The following RNF214 variants were observed in gnomAD, a reference collection of about 807,000 sequenced individuals.
RNF214 encodes the protein ring finger protein 214.
Under a neutral mutation model 75.9 loss-of-function variants are expected in RNF214, and 25 were observed. The ratio of observed to expected loss-of-function variants is 0.33; its 90% confidence interval spans 0.24 to 0.46. RNF214 has a LOEUF of 0.46. Among genes scored for constraint, RNF214 ranks in the 20% least tolerant of loss-of-function variants. The probability of loss-of-function intolerance (pLI) is 1.00; values close to 1 mark genes in which losing one functional copy is unlikely to be tolerated. For synonymous variants in RNF214, 314 were observed against 308.8 expected (o/e 1.02, Z -0.18); for missense variants, 725 against 857.5 (o/e 0.85, Z 1.93).
intron 13 of RNF214, 112 bp downstream of exon 13, chr11:117,282,962 T>C: frequency 9.9e-7 from 1 of 1,012,520 alleles, no homozygotes; most frequent in Non-Finnish European, 1.5e-6. Context: ...TTTGCAGCCC[T>C]ACTGGGAAAA....
chr11:117,281,764 G>T, intron 10 of RNF214, 66 bp downstream of exon 10: 1 of 1,503,188 alleles, frequency 6.7e-7, no homozygotes, highest in South Asian at 1.1e-5. Context: ...AGTCTTCTGC[G>T]TGTTCTTTTT....
intron 8 of RNF214, among the ~76,000 whole-genome samples, chr11:117,281,113 T>C (rs1228316835): frequency 6.6e-6 from 1 of 151,078 alleles, no homozygotes; most frequent in Non-Finnish European, 1.5e-5. Context: ...TAGCTGGGAC[T>C]ATAGGCGTGA....
chr11:117,260,610 G>A (rs1232703008), intron 6 of RNF214, among the ~76,000 whole-genome samples: 2 of 147,068 alleles, frequency 1.4e-5, no homozygotes, highest in Non-Finnish European at 3.0e-5. Flanking sequence ...ACCAGCCTGG[G>A]TGACACAGTG....
At chr11:117,281,745 C>T (rs377195825) in intron 10 of RNF214, 47 bp downstream of exon 10, 31 of 1,527,938 alleles carry the variant, frequency 2.0e-5, no homozygotes, top group Non-Finnish European at 2.7e-5. Flanking sequence ...GTGTTGGTAG[C>T]AGCAGCAGAG....
At chr11:117,256,209 T>C (rs917565234) in intron 6 of RNF214, among the ~76,000 whole-genome samples, 8 of 152,224 alleles carry the variant, frequency 5.3e-5, no homozygotes, top group Non-Finnish European at 7.3e-5. Context: ...TATACTGCTA[T>C]CATAACACTT....
intron 6 of RNF214, among the ~76,000 whole-genome samples, chr11:117,278,204 T>G (rs926518015): frequency 2.6e-5 from 4 of 152,056 alleles, no homozygotes; most frequent in Non-Finnish European, 5.9e-5. Context: ...CTCGGGAGGC[T>G]GAGGCAGGAG....
chr11:117,262,070 T>G, intron 6 of RNF214, among the ~76,000 whole-genome samples: 1 of 150,510 alleles, frequency 6.6e-6, no homozygotes, highest in Admixed American at 6.6e-5. Flanking sequence ...GTTTGTTTGG[T>G]TTTTCTTTTT....
At chr11:117,235,357 C>T (rs4938364) in intron 2 of RNF214, among the ~76,000 whole-genome samples, 16,913 of 152,024 alleles carry the variant, frequency 0.11, 1,041 homozygotes, top group Middle Eastern at 0.17. Flanking sequence ...CCACTACGCC[C>T]GGCTAATTTT....
chr11:117,262,308 C>T (rs904654209), intron 6 of RNF214, among the ~76,000 whole-genome samples: 1 of 151,874 alleles, frequency 6.6e-6, no homozygotes, highest in Non-Finnish European at 1.5e-5. Flanking sequence ...AGGATGGTCT[C>T]AAACTCCTGA....
intron 6 of RNF214, among the ~76,000 whole-genome samples, chr11:117,248,554 A>C (rs503853): frequency 6.6e-6 from 1 of 152,330 alleles, no homozygotes; most frequent in African/African-American, 2.4e-5. Flanking sequence ...CTGAGTCTCC[A>C]AGATAATAAT....
intron 6 of RNF214, among the ~76,000 whole-genome samples, chr11:117,265,586 G>A (rs1187328393): frequency 2.0e-5 from 3 of 151,698 alleles, no homozygotes; most frequent in Non-Finnish European, 4.4e-5. Context: ...GCTGATTTTT[G>A]GTATTTTTAG....
intron 6 of RNF214, chr11:117,263,830 C>CTGCATTTTTGGTCCCCCTG: frequency 4.1e-6 from 1 of 244,390 alleles, no homozygotes; most frequent in Non-Finnish European, 8.0e-6. Context: ...CTACTCCCCT[C>CTGCATTTTTGGTCCCCCTG]TGCTTTTTTG....
chr11:117,282,301 C>A (rs752616175), intron 11 of RNF214, 31 bp downstream of exon 11: 14 of 1,579,318 alleles, frequency 8.9e-6, no homozygotes, highest in Non-Finnish European at 1.2e-5. Flanking sequence ...ATTCAGATGT[C>A]TCTATCAGAG....
rs1238841104 is a variant in RNF214, at chr11:117,239,085, A to C, written c.592A>C (p.Lys198Gln). Residue 198 changes from lysine (K) to glutamine (Q), a missense_variant, in exon 3 of 15, where the codon AAG (lysine) becomes CAG (glutamine). By Grantham distance (53) the Lys-to-Gln change is moderately conservative. This residue lies in a region of RNF214 where 362 missense variants were observed against 344.5 expected (regional missense o/e 1.05). Coordinates refer to ENST00000300650, the MANE Select transcript of RNF214 (RefSeq NM_207343.4). The stretch of plus-strand genomic sequence containing the variant: ...TGATGATCAAGATAGCTCTTCCCTG[A>C]AGCTTTCTCAGAACATTGCTGTACA... ...QDDDQDSSSLKLSQNIAVQTD... is the reference protein window; with the variant it reads ...QDDDQDSSSLQLSQNIAVQTD... 2 of 1,613,018 alleles carry C rather than the reference A, an allele frequency of 1.2e-6. No individual in the cohort carries two copies. Among genetic ancestry groups the C allele is most frequent in the Non-Finnish European group, 1.7e-6 (2 of 1,179,634 alleles).
chr11:117,278,971 T>A (rs1281892764), intron 6 of RNF214, among the ~76,000 whole-genome samples: 1 of 152,110 alleles, frequency 6.6e-6, no homozygotes, highest in Admixed American at 6.5e-5. Context: ...CTGGCTTGTG[T>A]CCGTAGTCCC....
At chr11:117,252,676 A>G (rs2033427784) in intron 6 of RNF214, among the ~76,000 whole-genome samples, 1 of 151,916 alleles carries the variant, frequency 6.6e-6, no homozygotes, top group African/African-American at 2.4e-5. Flanking sequence ...GCCTGCCACC[A>G]CGCCCAGCTC....
rs2034165611 is a variant in RNF214 at position 117,283,229 on chromosome 11, C to G, written c.2046+19C>G. ...CAAGGAGGTAGGTGTTACAGACCTTCCTCATTTTCTACACTTTTTCTTCTG... is the reference window on the plus strand; with the variant it reads ...CAAGGAGGTAGGTGTTACAGACCTTGCTCATTTTCTACACTTTTTCTTCTG... On this transcript the variant is annotated intron_variant, in intron 14 of 14. Transcript: ENST00000300650. 6.6e-7 allele frequency: 1 copy of G among 1,505,558 alleles called. No homozygotes were observed. Among genetic ancestry groups the G allele is most frequent in the Non-Finnish European group, 9.2e-7 (1 of 1,090,676 alleles). 93.3% of individuals were successfully genotyped at this position (1,505,558 alleles called of 1,614,324 possible). A position where few individuals can be genotyped will look rare whatever the true frequency, so the allele number is the denominator to read the frequency against.
At chr11:117,265,093 C>T (rs2033767197) in intron 6 of RNF214, among the ~76,000 whole-genome samples, 1 of 151,200 alleles carries the variant, frequency 6.6e-6, no homozygotes, top group Admixed American at 6.6e-5. Context: ...AATTGGTTCT[C>T]TTAATCTAGC....
At position 117,281,331 on chromosome 11, in the gene RNF214, T is replaced by C. The variant is rs1469476886; in HGVS notation, c.1163T>C (p.Leu388Pro). The C allele has an allele frequency of 1.2e-6, 2 of 1,613,214 alleles. No homozygotes were observed. Among genetic ancestry groups the C allele is most frequent in the African/African-American group, 1.3e-5 (1 of 74,942 alleles). ...CTTGAAAGGTCAACTCCCCCAACAC[T>C]GGAGACAGTTCGTTCCAAACAGGAG... ...LTYLKSTPPT[L>P]ETVRSKQEWE... The change falls in exon 9 of 15, where the codon CTG (leucine) becomes CCG (proline). Residue 388 changes from leucine (L) to proline (P), a missense_variant. Leu to Pro is a moderately conservative substitution (Grantham distance 98, BLOSUM62 -3). Transcript: ENST00000300650.
Sources: gnomAD v4.1 joint callset for allele counts (sites outside exome capture counted in the v4.1 genomes callset) on GRCh38, gnomAD v4.1.1 for gene constraint, gnomAD v4.1.1 regional missense constraint, MANE v1.5 for transcripts, NCBI Gene and HGNC (gene_info 2026-07-23, HGNC 2026-07-21) for gene names.